NAV3: variants seen among roughly 807,000 people sequenced by gnomAD.
NAV3 encodes pore membrane and/or filament interacting like protein 1.
In NAV3, 87 loss-of-function variants were observed where a neutral mutation model predicts 244.7. The observed-to-expected ratio is 0.36, with a 90% CI of 0.30 to 0.42. NAV3 has a LOEUF of 0.42. Among genes scored for constraint, NAV3 ranks in the 20% least tolerant of loss-of-function variants. NAV3 has a pLI of 1.00. For synonymous variants in NAV3, 1,126 were observed against 1,042.2 expected (o/e 1.08, Z -1.55); for missense variants, 2,663 against 2,893.3 (o/e 0.92, Z 1.83).
intron 8 of NAV3, among the ~76,000 whole-genome samples, chr12:78,008,559 C>T (rs566479997): frequency 6.6e-6 from 1 of 151,830 alleles, no homozygotes; most frequent in South Asian, 2.1e-4. Context: ...GCAGGACCCA[C>T]TATAATTAAG....
intron 3 of NAV3, among the ~76,000 whole-genome samples, chr12:77,960,654 G>A (rs1399640659): frequency 6.8e-6 from 1 of 146,884 alleles, no homozygotes; most frequent in African/African-American, 2.5e-5. Context: ...ATACATATTA[G>A]CATTACATAT....
At position 78,037,999 on chromosome 12, in the gene NAV3, T is replaced by TAAG. The variant is rs552693259; in HGVS notation, c.2024-11993_2024-11991dup. ...AAACTAGTTCTGCATGTGCACATTA[T>TAAG]AAGTATTTAAGCTACTATGTAGATG... On this transcript the variant is annotated intron_variant, in intron 9 of 39. Transcript: ENST00000397909. Among the ~76,000 whole-genome samples the TAAG allele has an allele frequency of 3.2e-4, 49 of 152,334 alleles. No individual in the cohort carries two copies. The East Asian group carries it at 8.7e-3, about 27-fold the overall frequency.
At position 78,118,157 on chromosome 12, in the gene NAV3, G is replaced by T. The variant is rs1389395557; in HGVS notation, c.2900G>T (p.Gly967Val). 3.7e-6 allele frequency: 6 copies of T among 1,613,990 alleles called. No homozygotes were observed. Among genetic ancestry groups the T allele is most frequent in the Non-Finnish European group, 5.1e-6 (6 of 1,179,994 alleles). ...AGGKWKTVSS[G>V]LPEDPEKAGQ... ...GGCAAGTGGAAGACTGTGTCCTCTG[G>T]ACTTCCTGAAGACCCCGAGAAGGCA... The change falls in exon 14 of 40, where the codon GGA becomes GTA. Residue 967 changes from glycine (G) to valine (V), a missense_variant. By Grantham distance (109) the Gly-to-Val change is moderately radical. This residue lies in a region of NAV3 where 1,521 missense variants were observed against 1,497.0 expected (regional missense o/e 1.02). Transcript: ENST00000397909.
intron 9 of NAV3, among the ~76,000 whole-genome samples, chr12:78,027,896 G>C (rs1000887272): frequency 6.6e-6 from 1 of 152,100 alleles, no homozygotes; most frequent in Non-Finnish European, 1.5e-5. Context: ...TGTCAAAAAG[G>C]CCTGAAGATA....
At chr12:78,034,614 G>T (rs1446045345) in intron 9 of NAV3, among the ~76,000 whole-genome samples, 4 of 152,142 alleles carry the variant, frequency 2.6e-5, no homozygotes, top group Non-Finnish European at 4.4e-5. Flanking sequence ...TAAAGCATTA[G>T]AATTGCATTT....
At chr12:77,707,195 C>A (rs1875860522) in intron 2 of NAV3, among the ~76,000 whole-genome samples, 1 of 150,306 alleles carries the variant, frequency 6.7e-6, no homozygotes. Flanking sequence ...TCTCCTAATG[C>A]TATCCCTTCC....
At chr12:77,972,183 A>AGTAT (rs1893050973) in intron 5 of NAV3, among the ~76,000 whole-genome samples, 1 of 151,776 alleles carries the variant, frequency 6.6e-6, no homozygotes, top group Non-Finnish European at 1.5e-5. Context: ...TGTGAGCTTG[A>AGTAT]GTGTGTGTGT....
At chr12:77,658,114 T>C (rs1402031611) in intron 2 of NAV3, among the ~76,000 whole-genome samples, 1 of 151,878 alleles carries the variant, frequency 6.6e-6, no homozygotes, top group Non-Finnish European at 1.5e-5. Context: ...CCAGGGCAAT[T>C]AGGCAGGAGA....
At chr12:77,655,291 G>A (rs1030026859) in intron 2 of NAV3, among the ~76,000 whole-genome samples, 7 of 152,242 alleles carry the variant, frequency 4.6e-5, no homozygotes, top group Middle Eastern at 3.4e-3. Context: ...GCCAAGGCTC[G>A]AGAACTACGT....
chr12:77,876,439 G>A (rs1029462948), intron 1 of NAV3, among the ~76,000 whole-genome samples: 2 of 152,036 alleles, frequency 1.3e-5, no homozygotes, highest in Admixed American at 1.3e-4. Context: ...GTTTCTTCAC[G>A]AATCAGTTCT....
intron 9 of NAV3, among the ~76,000 whole-genome samples, chr12:78,044,674 TTTA>T (rs1253918818): frequency 6.6e-6 from 1 of 152,212 alleles, no homozygotes; most frequent in African/African-American, 2.4e-5. Flanking sequence ...TCCTAAGTAT[TTTA>T]TTCTCTTTGT....
chr12:77,684,109 A>G (rs1030346129), intron 2 of NAV3, among the ~76,000 whole-genome samples: 4 of 152,164 alleles, frequency 2.6e-5, no homozygotes, highest in Non-Finnish European at 5.9e-5. Flanking sequence ...AGGCATTATT[A>G]CTGTTTAATT....
At chr12:77,687,166 A>G (rs551001806) in intron 2 of NAV3, among the ~76,000 whole-genome samples, 4 of 152,174 alleles carry the variant, frequency 2.6e-5, no homozygotes, top group Non-Finnish European at 4.4e-5. Context: ...CTTCTTTTAT[A>G]CTATCAGCCC....
At chr12:77,928,581 GT>G (rs1249120933) in intron 1 of NAV3, among the ~76,000 whole-genome samples, 1 of 152,118 alleles carries the variant, frequency 6.6e-6, no homozygotes, top group Non-Finnish European at 1.5e-5. Flanking sequence ...CTCAATAAAT[GT>G]TGGCAGGTTT....
chr12:78,191,511 C>T (rs1958980684), intron 34 of NAV3, among the ~76,000 whole-genome samples: 1 of 152,098 alleles, frequency 6.6e-6, no homozygotes, highest in South Asian at 2.1e-4. Context: ...TCAAAAACAA[C>T]GATGTACATA....
chr12:78,147,610 CG>C lies in NAV3; in HGVS notation c.4707+1220del, dbSNP rs1311114145. 1.4e-4 allele frequency among the ~76,000 whole-genome samples: 16 copies of C among 116,618 alleles called. No homozygotes were observed. In the South Asian group the frequency reaches 1.5e-3, roughly 11 times the overall value. The allele number at this position is 116,618 out of a possible 152,430, so 76.5% of individuals were successfully genotyped here. ...ATTTTAGACTGGGGTGTATCTGTTC[CG>C]GAAAAAAAAAAAAAACAGGAACGAA... On this transcript the variant is annotated intron_variant, in intron 21 of 39. Transcript: ENST00000397909.
chr12:77,808,563 G>C (rs1426586507), intron 2 of NAV3, among the ~76,000 whole-genome samples: 1 of 152,122 alleles, frequency 6.6e-6, no homozygotes, highest in East Asian at 1.9e-4. Context: ...TTCCAGAGGG[G>C]CACCGGCCAG....
At chr12:77,826,500 CA>C (rs1040136005), upstream of NAV3, among the ~76,000 whole-genome samples, 3 of 152,010 alleles carry the variant, frequency 2.0e-5, no homozygotes, top group Non-Finnish European at 4.4e-5. Context: ...CCCCTCCCCC[CA>C]AAAAATTATA....
At chr12:78,148,487 G>T (rs1193176797) in intron 21 of NAV3, among the ~76,000 whole-genome samples, 1 of 152,024 alleles carries the variant, frequency 6.6e-6, no homozygotes, top group Non-Finnish European at 1.5e-5. Context: ...TGTATATACA[G>T]TTTTTATAAA....
Sources: gnomAD v4.1 joint callset for allele counts (sites outside exome capture counted in the v4.1 genomes callset) on GRCh38, gnomAD v4.1.1 for gene constraint, gnomAD v4.1.1 regional missense constraint, MANE v1.5 for transcripts, NCBI Gene and HGNC (gene_info 2026-07-23, HGNC 2026-07-21) for gene names.